MPP7: variants seen among roughly 807,000 people sequenced by gnomAD.
The protein encoded by MPP7 is MAGUK p55 subfamily member 7.
Under a neutral mutation model 76.5 loss-of-function variants are expected in MPP7, and 60 were observed. The ratio of observed to expected loss-of-function variants is 0.78; its 90% CI spans 0.64 to 0.97. The LOEUF (loss-of-function observed/expected upper bound fraction) is 0.97, where lower values mean the gene tolerates loss of function less well. Ranked by LOEUF, MPP7 falls within the 50% of genes least tolerant of loss-of-function variation. MPP7 has a pLI of 0.00. For synonymous variants in MPP7, 237 were observed against 244.5 expected (o/e 0.97, Z 0.29); for missense variants, 641 against 694.0 (o/e 0.92, Z 0.86).
At chr10:28,167,993 T>C (rs1407537884) in intron 3 of MPP7, among the ~76,000 whole-genome samples, 1 of 152,164 alleles carries the variant, frequency 6.6e-6, no homozygotes, top group African/African-American at 2.4e-5. Context: ...TCCCAGCACT[T>C]TGGGAGGCCA....
intron 1 of MPP7, among the ~76,000 whole-genome samples, chr10:28,248,807 T>C (rs978109879): frequency 3.9e-5 from 6 of 152,192 alleles, no homozygotes; most frequent in Non-Finnish European, 7.3e-5. Flanking sequence ...GTTTCTGGCC[T>C]AGAAGCAACA....
At chr10:28,189,338 G>A (rs948701286) in intron 3 of MPP7, among the ~76,000 whole-genome samples, 4 of 152,036 alleles carry the variant, frequency 2.6e-5, no homozygotes, top group African/African-American at 9.7e-5. Context: ...TAAGGCGGGA[G>A]GATCACTTGA....
chr10:28,330,353 C>G (rs1465077331), intron 1 of MPP7, among the ~76,000 whole-genome samples: 2 of 152,124 alleles, frequency 1.3e-5, no homozygotes, highest in Non-Finnish European at 2.9e-5. Flanking sequence ...AGAAGAAATT[C>G]CAAAATGTCT....
chr10:28,233,047 C>T (rs1413103709), intron 2 of MPP7, among the ~76,000 whole-genome samples: 6 of 152,076 alleles, frequency 3.9e-5, no homozygotes, highest in Non-Finnish European at 8.8e-5. Flanking sequence ...AGATTAAAAA[C>T]TATAAAGATA....
intron 1 of MPP7, among the ~76,000 whole-genome samples, chr10:28,275,107 C>T (rs1400318598): frequency 6.6e-6 from 1 of 152,190 alleles, no homozygotes; most frequent in East Asian, 1.9e-4. Context: ...AGAAATTTGG[C>T]TGCAATTATC....
chr10:28,328,690 T>A (rs1834442485), intron 2 of MPP7, among the ~76,000 whole-genome samples: 1 of 152,136 alleles, frequency 6.6e-6, no homozygotes, highest in Admixed American at 6.5e-5. Flanking sequence ...TATTGATTCA[T>A]GTTTTCTTCT....
rs1564747459 is a variant in MPP7 at position 28,270,543 on chromosome 10, G to GA, written c.-131-31809dup. On this transcript the variant is annotated intron_variant, in intron 1 of 16. Transcript: ENST00000683449. ...TTTAAAAAAAAAAAAGGGGGGGGGGGAGGAGGGGAGCTGGGGAGGGGGCGC... is the reference window on the plus strand; with the variant it reads ...TTTAAAAAAAAAAAAGGGGGGGGGGGAAGGAGGGGAGCTGGGGAGGGGGCGC... Among the ~76,000 whole-genome samples, 21 of 112,722 alleles carry GA rather than the reference G, an allele frequency of 1.9e-4. 3 individuals carry two copies. In the East Asian group the frequency reaches 6.5e-3, roughly 35 times the overall value. 74.0% of individuals were successfully genotyped at this position (112,722 alleles called of 152,430 possible).
Position 28,237,110 on chromosome 10 carries a change from T to C in MPP7, c.37+1458A>G, listed in dbSNP as rs142925457. Among the ~76,000 whole-genome samples, 76 of 152,348 alleles carry C rather than the reference T, an allele frequency of 5.0e-4. No individual in the cohort carries two copies. The Middle Eastern group carries it at 0.027, about 55-fold the overall frequency. ...CCTAAACTGCCTTATAAACTATAAA[T>C]ACTCCATTTTAATCCTCCTTCAAGT... On this transcript the variant is annotated intron_variant, in intron 2 of 16. Transcript: ENST00000683449.
chr10:28,234,618 T>C (rs1376783085), intron 2 of MPP7, among the ~76,000 whole-genome samples: 1 of 152,194 alleles, frequency 6.6e-6, no homozygotes, highest in Non-Finnish European at 1.5e-5. Context: ...CAGTGTGATA[T>C]GATGACAATG....
intron 1 of MPP7, among the ~76,000 whole-genome samples, chr10:28,249,418 A>G (rs1209815720): frequency 6.6e-6 from 1 of 152,128 alleles, no homozygotes; most frequent in African/African-American, 2.4e-5. Flanking sequence ...GCGAAACCCC[A>G]TCTCTACTAA....
At position 28,120,193 on chromosome 10, in the gene MPP7, C is replaced by A; in HGVS notation, c.887+1G>T. 2 of 1,612,550 alleles carry A rather than the reference C, an allele frequency of 1.2e-6. No homozygotes were observed. The highest frequency in any genetic ancestry group is 1.7e-6 in the Non-Finnish European group (2 of 1,179,360). ...GCCATTATTATGTACCAGCAGCTCA[C>A]CTTTCCTGGAAATGCTTTGAGGGGA... On this transcript the variant is annotated splice_donor_variant, in intron 10 of 16. Coordinates refer to ENST00000683449, the MANE Select transcript of MPP7 (RefSeq NM_001318170.2). LOFTEE classifies it high-confidence loss of function.
intron 10 of MPP7, 93 bp downstream of exon 10, chr10:28,120,101 T>C (rs1226674255): frequency 7.5e-7 from 1 of 1,332,600 alleles, no homozygotes; most frequent in Non-Finnish European, 1.0e-6. Flanking sequence ...CAAGGTTTTA[T>C]AGCATATTTT....
chr10:28,176,408 C>T (rs2133888693), intron 3 of MPP7, among the ~76,000 whole-genome samples: 1 of 152,056 alleles, frequency 6.6e-6, no homozygotes, highest in African/African-American at 2.4e-5. Context: ...TCCCAATGGC[C>T]AAAGCTGGGG....
chr10:28,268,957 T>C (rs1161335164), intron 1 of MPP7, among the ~76,000 whole-genome samples: 1 of 152,092 alleles, frequency 6.6e-6, no homozygotes, highest in Non-Finnish European at 1.5e-5. Context: ...GCTAATATTA[T>C]AGACTCATGA....
intron 3 of MPP7, among the ~76,000 whole-genome samples, chr10:28,167,105 G>A (rs1313625491): frequency 6.6e-6 from 1 of 152,092 alleles, no homozygotes; most frequent in East Asian, 1.9e-4. Context: ...GAGCTCAGGA[G>A]TTCGAGACCA....
chr10:28,108,340 G>A (rs888770925), intron 11 of MPP7, among the ~76,000 whole-genome samples: 6 of 152,088 alleles, frequency 3.9e-5, no homozygotes, highest in African/African-American at 1.4e-4. Flanking sequence ...TAAAATAAGA[G>A]AGCTGAAGCA....
chr10:28,281,243 C>T (rs1840663931), intron 1 of MPP7, among the ~76,000 whole-genome samples: 1 of 151,946 alleles, frequency 6.6e-6, no homozygotes, highest in Non-Finnish European at 1.5e-5. Flanking sequence ...CTACACCTGG[C>T]AAATTTTTGT....
chr10:28,172,875 T>C (rs6481508), intron 3 of MPP7, among the ~76,000 whole-genome samples: 20,146 of 152,190 alleles, frequency 0.13, 2,016 homozygotes, highest in African/African-American at 0.28. Context: ...AAGAATATGA[T>C]ATTTTCTCAT....
intron 1 of MPP7, among the ~76,000 whole-genome samples, chr10:28,242,868 G>A (rs1391789899): frequency 6.6e-6 from 1 of 152,162 alleles, no homozygotes; most frequent in Non-Finnish European, 1.5e-5. Flanking sequence ...GAGGAGGGGA[G>A]AGGGAAGGTT....
Sources: gnomAD v4.1 joint callset for allele counts (sites outside exome capture counted in the v4.1 genomes callset) on GRCh38, gnomAD v4.1.1 for gene constraint, MANE v1.5 for transcripts, NCBI Gene and HGNC (gene_info 2026-07-23, HGNC 2026-07-21) for gene names.